The following FHL2 variants were observed in gnomAD, a reference collection of about 807,000 sequenced individuals.
The protein encoded by FHL2 is four and a half LIM domains 2.
FHL2 carries 20 observed loss-of-function variants against 32.7 expected under a neutral mutation model. That is an observed-to-expected ratio of 0.61 (90% CI 0.43 to 0.89). The LOEUF (loss-of-function observed/expected upper bound fraction) is 0.89. FHL2 is among the 40% of genes least tolerant of loss of function. The pLI is 0.00. For missense variants in FHL2, 311 were observed against 358.6 expected (o/e 0.87, Z 1.07); for synonymous variants, 123 against 128.1 (o/e 0.96, Z 0.27).
chr2:105,359,689 A>C (rs1261995948), downstream of FHL2: 4 of 152,174 alleles, frequency 2.6e-5, no homozygotes, highest in Admixed American at 2.6e-4. Context: ...AGTAGCTCAG[A>C]ATGTTATTTT....
intron 1 of FHL2, among the ~76,000 whole-genome samples, chr2:105,412,936 G>A (rs1683839393): frequency 6.6e-6 from 1 of 152,128 alleles, no homozygotes; most frequent in South Asian, 2.1e-4. Context: ...TGGAGACGGT[G>A]ATGTAAGAGG....
chr2:105,369,619 T>G (rs889529045), intron 4 of FHL2, among the ~76,000 whole-genome samples: 1 of 152,168 alleles, frequency 6.6e-6, no homozygotes, highest in African/African-American at 2.4e-5. Flanking sequence ...AAAACAAACA[T>G]TACATGAAGC....
rs182040281 is a variant in FHL2, at chr2:105,398,967, C to T, written c.-201G>A. The T allele has an allele frequency of 9.0e-4, 1,381 of 1,530,054 alleles. 15 individuals carry two copies. In the African/African-American group the frequency reaches 0.017, roughly 19 times the overall value. The allele number at this position is 1,530,054 out of a possible 1,614,324, so 94.8% of individuals were successfully genotyped here. A position where few individuals can be genotyped will look rare whatever the true frequency, so the allele number is the denominator to read the frequency against. ...CGGGGCGCAGGGGGTTGGAGGTACTCACGGCACCGCAGCGGGCCGGGGACT... is the reference window on the plus strand; with the variant it reads ...CGGGGCGCAGGGGGTTGGAGGTACTTACGGCACCGCAGCGGGCCGGGGACT... On this transcript the variant is annotated 5_prime_UTR_variant, in exon 1 of 7. Transcript: ENST00000530340.
At chr2:105,421,186 C>T (rs551055495) in intron 1 of FHL2, among the ~76,000 whole-genome samples, 8 of 152,322 alleles carry the variant, frequency 5.3e-5, no homozygotes, top group South Asian at 4.1e-4. Context: ...CTGGTCCCAT[C>T]GTCACTGGGT....
In FHL2 at chr2:105,398,335, G is replaced by A. The variant is rs1232543009; in HGVS notation, c.-76+507C>T. On this transcript the variant is annotated intron_variant, in intron 1 of 6. Transcript: ENST00000530340. ...AAAATAAGCCATTTTTGTTTTAACC[G>A]AATGGTTCAGTTATTAAATGTCTAC... Among the ~76,000 whole-genome samples the A allele has an allele frequency of 3.3e-5, 5 of 152,148 alleles. No homozygotes were observed. The East Asian group carries it at 7.7e-4, about 23-fold the overall frequency.
intron 5 of FHL2, among the ~76,000 whole-genome samples, chr2:105,366,540 G>C (rs565306804): frequency 3.3e-5 from 5 of 152,170 alleles, no homozygotes; most frequent in African/African-American, 1.2e-4. Context: ...GGACAGAGAC[G>C]CTGGAAGCTA....
At chr2:105,404,539 A>G (rs1011361080) in intron 1 of FHL2, among the ~76,000 whole-genome samples, 1 of 151,924 alleles carries the variant, frequency 6.6e-6, no homozygotes, top group Admixed American at 6.6e-5. Context: ...ATGAAAGATG[A>G]CTCTACGGGC....
At chr2:105,391,428 C>G (rs1268984773) in intron 2 of FHL2, among the ~76,000 whole-genome samples, 1 of 152,072 alleles carries the variant, frequency 6.6e-6, no homozygotes, top group Non-Finnish European at 1.5e-5. Flanking sequence ...AGGAACAGGT[C>G]AGCCAGGTGA....
chr2:105,371,747 T>C (rs1428500491), intron 4 of FHL2, among the ~76,000 whole-genome samples: 3 of 152,086 alleles, frequency 2.0e-5, no homozygotes, highest in African/African-American at 7.2e-5. Context: ...GCCCCTAGAG[T>C]CCCCAGTGGA....
At chr2:105,371,677 C>T (rs1203643995) in intron 4 of FHL2, among the ~76,000 whole-genome samples, 4 of 152,122 alleles carry the variant, frequency 2.6e-5, no homozygotes, top group Non-Finnish European at 5.9e-5. Context: ...AATTCAAAAT[C>T]CGGGAAATAT....
intron 5 of FHL2, among the ~76,000 whole-genome samples, chr2:105,364,989 T>G (rs1680528759): frequency 1.3e-5 from 2 of 152,196 alleles, no homozygotes; most frequent in African/African-American, 4.8e-5. Flanking sequence ...CACGCTTGGT[T>G]GCAACGTATC....
At chr2:105,397,010 G>GTTTTTTTTTTTTTTTTTT (rs35576785) in intron 1 of FHL2, 2 of 108,298 alleles carry the variant, frequency 1.8e-5, no homozygotes, top group Non-Finnish European at 1.7e-5. Flanking sequence ...TATCTAGTCT[G>GTTTTTTTTTTTTTTTTTT]TTTTTTTTTT....
At chr2:105,359,072 A>G (rs536283550), downstream of FHL2, 25 of 152,304 alleles carry the variant, frequency 1.6e-4, no homozygotes, top group East Asian at 4.8e-3. Context: ...ACTGCCCTCC[A>G]ATATCTGCCT....
intron 1 of FHL2, among the ~76,000 whole-genome samples, chr2:105,410,094 A>T (rs950389808): frequency 6.6e-6 from 1 of 152,260 alleles, no homozygotes; most frequent in African/African-American, 2.4e-5. Context: ...GAGTTCAGGG[A>T]TCACACCAGA....
intron 1 of FHL2, among the ~76,000 whole-genome samples, chr2:105,419,474 C>G (rs1276955349): frequency 1.3e-5 from 2 of 152,164 alleles, no homozygotes; most frequent in East Asian, 3.9e-4. Context: ...ATAAATTTCC[C>G]TTTGTGAAGG....
chr2:105,369,787 A>G (rs947798090), intron 4 of FHL2, among the ~76,000 whole-genome samples: 1 of 152,216 alleles, frequency 6.6e-6, no homozygotes, highest in African/African-American at 2.4e-5. Flanking sequence ...ATATGGGGCA[A>G]TTATGACTCT....
intron 1 of FHL2, among the ~76,000 whole-genome samples, chr2:105,428,385 A>T (rs1338079730): frequency 2.6e-5 from 4 of 152,084 alleles, no homozygotes; most frequent in Non-Finnish European, 5.9e-5. Context: ...TTTCCCTGCA[A>T]CCCCACTTCT....
At chr2:105,408,540 T>C (rs1683703295) in intron 1 of FHL2, among the ~76,000 whole-genome samples, 1 of 152,336 alleles carries the variant, frequency 6.6e-6, no homozygotes, top group South Asian at 2.1e-4. Flanking sequence ...CCAGTTGGCT[T>C]TGTATCGAGA....
intron 2 of FHL2, 50 bp from the exon 3 acceptor site, chr2:105,386,590 G>T: frequency 1.3e-6 from 2 of 1,556,412 alleles, no homozygotes; most frequent in Non-Finnish European, 1.8e-6. Context: ...TCTCTGAAAG[G>T]GGTGCACGCA....
Sources: allele counts gnomAD v4.1 joint callset (sites outside exome capture counted in the v4.1 genomes callset), GRCh38; gene constraint gnomAD v4.1.1; transcripts MANE v1.5; gene names NCBI Gene and HGNC (gene_info 2026-07-23, HGNC 2026-07-21).